ITGA11: variants seen among roughly 807,000 people sequenced by gnomAD.
ITGA11 encodes integrin alpha-11.
In ITGA11, 97 loss-of-function variants were observed where a neutral mutation model predicts 141.9. That is an observed-to-expected ratio of 0.68 (90% CI 0.58 to 0.81). ITGA11 has a LOEUF of 0.81. ITGA11 is among the 30% of genes least tolerant of loss of function. The pLI is 0.00. For missense variants in ITGA11, 1,387 were observed against 1,559.2 expected (o/e 0.89, Z 1.86); for synonymous variants, 658 against 624.6 (o/e 1.05, Z -0.80).
In ITGA11 at chr15:68,315,654, C is replaced by A. The variant is rs201993440; in HGVS notation, c.2789G>T (p.Gly930Val). The A allele has an allele frequency of 1.1e-4, 177 of 1,612,892 alleles. 1 individual carries two copies. Among genetic ancestry groups the A allele is most frequent in the Non-Finnish European group, 7.6e-6 (9 of 1,179,380 alleles). The change falls in exon 22 of 30, where the codon GGC becomes GTC. Residue 930 changes from glycine (G) to valine (V), a missense_variant. Coordinates refer to ENST00000315757, the MANE Select transcript of ITGA11 (RefSeq NM_001004439.2). ...LHHLEIELAAGSDSNERDSTK... is the reference protein window; with the variant it reads ...LHHLEIELAAVSDSNERDSTK... ...AAGGAGCAGGCACGGCCCTGACCTG[C>A]CTGCAGCGAGCTCGATCTCCAGGTG...
Position 68,420,293 on chromosome 15 carries a change from G to A in ITGA11, c.52+11722C>T, listed in dbSNP as rs55723554. Among the ~76,000 whole-genome samples, 1,029 of 152,308 alleles carry A rather than the reference G, an allele frequency of 6.8e-3. 7 individuals carry two copies. The highest frequency in any genetic ancestry group is 0.011 in the Non-Finnish European group (759 of 68,028). On this transcript the variant is annotated intron_variant, in intron 1 of 29. Coordinates refer to ENST00000315757, the MANE Select transcript of ITGA11 (RefSeq NM_001004439.2). The stretch of plus-strand genomic sequence containing the variant: ...CATTATATAACTAGGTTTTCACTGT[G>A]TAAAAACAAGGCCATTCCCCTGTCT...
At chr15:68,375,491 G>A (rs1021203821) in intron 2 of ITGA11, among the ~76,000 whole-genome samples, 1 of 152,190 alleles carries the variant, frequency 6.6e-6, no homozygotes, top group Non-Finnish European at 1.5e-5. Context: ...TGGGGACCCC[G>A]GGGCTGCCCT....
At position 68,350,673 on chromosome 15, in the gene ITGA11, T is replaced by C. The variant is rs373710494; in HGVS notation, c.1004A>G (p.Glu335Gly). ...DDKHFFNVTD[E>G]AALKDIVDAL... Reference sequence around the variant, plus strand: ...ATCGACAATGTCCTTCAAGGCAGCCTCATCAGTGACATTGAAGAAGTGCTT... The same window carrying C: ...ATCGACAATGTCCTTCAAGGCAGCCCCATCAGTGACATTGAAGAAGTGCTT... Residue 335 changes from glutamate to glycine, a missense_variant, in exon 9 of 30, where the codon GAG becomes GGG. Glu to Gly is a moderately conservative substitution (Grantham distance 98, BLOSUM62 -2). Transcript: ENST00000315757. 50 of 1,613,814 alleles carry C rather than the reference T, an allele frequency of 3.1e-5. No individual in the cohort carries two copies. The highest frequency in any genetic ancestry group is 4.0e-5 in the Non-Finnish European group (47 of 1,179,866).
rs1892988148 is a variant in ITGA11 at position 68,299,823 on chromosome 15, G to C, written c.*3236C>G. On this transcript the variant is annotated 3_prime_UTR_variant, in exon 30 of 30. Transcript: ENST00000315757. ...ATGGAAAGGTCCACACTGTCTCCTAGAAGCTCTTCCACATGTCCCTAGGCA... is the reference window on the plus strand; with the variant it reads ...ATGGAAAGGTCCACACTGTCTCCTACAAGCTCTTCCACATGTCCCTAGGCA... The C allele has an allele frequency of 6.6e-6, 1 of 152,174 alleles. No homozygotes were observed. The highest frequency in any genetic ancestry group is 6.5e-5 in the Admixed American group (1 of 15,270). 9.4% of individuals were successfully genotyped at this position (152,174 alleles called of 1,614,324 possible).
intron 5 of ITGA11, among the ~76,000 whole-genome samples, chr15:68,361,346 A>C (rs909041917): frequency 6.6e-6 from 1 of 152,070 alleles, no homozygotes; most frequent in African/African-American, 2.4e-5. Flanking sequence ...TGAGGCTGGG[A>C]TTGTCTTTGA....
chr15:68,420,875 C>T (rs1261543730), intron 1 of ITGA11, among the ~76,000 whole-genome samples: 3 of 151,852 alleles, frequency 2.0e-5, no homozygotes, highest in African/African-American at 4.8e-5. Flanking sequence ...TTAAAAGCCT[C>T]GGAGAGACTA....
chr15:68,315,810 C>T, intron 21 of ITGA11, 83 bp from the exon 22 acceptor site: 2 of 1,188,452 alleles, frequency 1.7e-6, no homozygotes, highest in Non-Finnish European at 2.4e-6. Flanking sequence ...CAGCCCCCTG[C>T]TGGCTTGGGG....
At chr15:68,406,337 T>G (rs1350579270) in intron 1 of ITGA11, among the ~76,000 whole-genome samples, 1 of 152,072 alleles carries the variant, frequency 6.6e-6, no homozygotes, top group Non-Finnish European at 1.5e-5. Context: ...CTCTGCCCCA[T>G]TAATTTCTAC....
chr15:68,345,745 C>T (rs1053400165), intron 10 of ITGA11, among the ~76,000 whole-genome samples: 1 of 152,238 alleles, frequency 6.6e-6, no homozygotes, highest in Middle Eastern at 3.4e-3. Context: ...ATGCTCAGGG[C>T]AAAGTGGAAA....
intron 1 of ITGA11, among the ~76,000 whole-genome samples, chr15:68,405,506 T>A (rs1021666587): frequency 1.3e-5 from 2 of 151,800 alleles, no homozygotes; most frequent in Admixed American, 6.6e-5. Flanking sequence ...GGCCCTGGAG[T>A]GGGGGTTGGG....
chr15:68,314,077 T>G (rs1893488323), intron 22 of ITGA11, among the ~76,000 whole-genome samples: 1 of 152,248 alleles, frequency 6.6e-6, no homozygotes, highest in African/African-American at 2.4e-5. Context: ...GCTGCCCCTT[T>G]AGGTGGAGTC....
rs775141997 is a variant in ITGA11 at position 68,332,437 on chromosome 15, G to A, written c.1467C>T (p.Ile489=). 7 of 1,611,684 alleles carry A rather than the reference G, an allele frequency of 4.3e-6. No individual in the cohort carries two copies. The African/African-American group carries it at 5.3e-5, about 12-fold the overall frequency. Residue 489 remains isoleucine (I), a synonymous_variant, in exon 13 of 30, where the codon ATC becomes ATT. Transcript: ENST00000315757. ...YFGSEITSVD[I]DGDGVTDVLL... ...GGACATCAGTCACGCCGTCGCCGTC[G>A]ATGTCCACCGAGGTGATTTCACTCC...
chr15:68,382,336 G>A (rs1895883527), intron 2 of ITGA11, among the ~76,000 whole-genome samples: 1 of 152,268 alleles, frequency 6.6e-6, no homozygotes, highest in South Asian at 2.1e-4. Flanking sequence ...GAGCTGGGCC[G>A]GGCCACCAGC....
intron 2 of ITGA11, among the ~76,000 whole-genome samples, chr15:68,375,564 A>C (rs762150850): frequency 3.3e-5 from 5 of 152,138 alleles, no homozygotes; most frequent in Non-Finnish European, 7.4e-5. Flanking sequence ...AGAAGTTGGC[A>C]CCTGCAGGTC....
In ITGA11 at chr15:68,328,528, C is replaced by A. The variant is rs1380563729; in HGVS notation, c.1902-266G>T. ...AGCACTTTCCCCGAGGGGCTGTGCT[C>A]GCTGTGGATCATGCTGACTTCCCTT... On this transcript the variant is annotated intron_variant, in intron 15 of 29. Transcript: ENST00000315757. This position sits in a 1 kb window ranked among gnomAD's most constrained non-coding sequence, Gnocchi z 4.8. Among the ~76,000 whole-genome samples the A allele has an allele frequency of 6.6e-6, 1 of 152,112 alleles. No homozygotes were observed. Among genetic ancestry groups the A allele is most frequent in the African/African-American group, 2.4e-5 (1 of 41,404 alleles).
intron 15 of ITGA11, 139 bp downstream of exon 15, chr15:68,330,842 G>T: frequency 1.1e-6 from 1 of 891,674 alleles, no homozygotes; most frequent in Non-Finnish European, 1.7e-6. Context: ...GTGTAAGCAA[G>T]ATGGGATAAG....
At chr15:68,386,184 A>T (rs1329093054) in intron 2 of ITGA11, among the ~76,000 whole-genome samples, 1 of 152,200 alleles carries the variant, frequency 6.6e-6, no homozygotes, top group Non-Finnish European at 1.5e-5. Context: ...AGGTAGGTCC[A>T]TTCCAGCCCT....
Position 68,325,295 on chromosome 15 carries a change from A to G in ITGA11, c.2212-54T>C. On this transcript the variant is annotated intron_variant, in intron 17 of 29. Coordinates refer to ENST00000315757, the MANE Select transcript of ITGA11 (RefSeq NM_001004439.2). The surrounding 1 kb of genome is among the most constrained non-coding windows in gnomAD (Gnocchi z 5.5). ...AGGGAGGAGAGAACGTCATTTTATG[A>G]GCCAGGACCGTGGATGCTGAGATAG... 8.2e-7 allele frequency: 1 copy of G among 1,225,206 alleles called. No homozygotes were observed. The highest frequency in any genetic ancestry group is 1.2e-6 in the Non-Finnish European group (1 of 827,314). 75.9% of individuals were successfully genotyped at this position (1,225,206 alleles called of 1,614,324 possible).
chr15:68,373,283 A>G (rs905495207), intron 2 of ITGA11, among the ~76,000 whole-genome samples: 1 of 152,180 alleles, frequency 6.6e-6, no homozygotes, highest in Non-Finnish European at 1.5e-5. Flanking sequence ...GCCCTACTGC[A>G]CCAGAGTAGG....
Sources: gnomAD v4.1 joint callset for allele counts (sites outside exome capture counted in the v4.1 genomes callset) on GRCh38, gnomAD v4.1.1 for gene constraint, Gnocchi (gnomAD v3.1) non-coding constraint, MANE v1.5 for transcripts, NCBI Gene and HGNC (gene_info 2026-07-23, HGNC 2026-07-21) for gene names.